Variants in RAB31 observed in about 807,000 individuals in gnomAD.
RAB31 encodes ras-related protein Rab-31.
In RAB31, 21 loss-of-function variants were observed where a neutral mutation model predicts 25.6. The ratio of observed to expected loss-of-function variants is 0.82; its 90% CI spans 0.58 to 1.18. The LOEUF (loss-of-function observed/expected upper bound fraction) is 1.18. Among genes scored for constraint, RAB31 ranks in the 50% most tolerant of loss-of-function variants. RAB31 has a pLI of 0.00. For missense variants in RAB31, 196 were observed against 250.1 expected, an observed-to-expected ratio of 0.78 and a Z score of 1.46; for synonymous variants, 87 against 84.0, an observed-to-expected ratio of 1.04 and a Z score of -0.20.
At chr18:9,712,863 A>G (rs2068024812) in intron 1 of RAB31, among the ~76,000 whole-genome samples, 1 of 152,240 alleles carries the variant, frequency 6.6e-6, no homozygotes, top group Non-Finnish European at 1.5e-5. Context: ...GTGATCAGTT[A>G]AAAGAGCCGA....
chr18:9,812,501 T>C (rs779095253), intron 3 of RAB31, among the ~76,000 whole-genome samples: 3 of 152,122 alleles, frequency 2.0e-5, no homozygotes, highest in Non-Finnish European at 4.4e-5. Context: ...ACAAATCTTT[T>C]TACAATTTAA....
intron 1 of RAB31, among the ~76,000 whole-genome samples, chr18:9,767,618 A>G (rs76373516): frequency 0.046 from 6,976 of 152,282 alleles, 182 homozygotes; most frequent in South Asian, 0.076. Context: ...GTTCAATAAG[A>G]TAATGTGTCT....
chr18:9,711,153 G>C (rs2068015041), intron 1 of RAB31, among the ~76,000 whole-genome samples: 1 of 151,462 alleles, frequency 6.6e-6, no homozygotes, highest in African/African-American at 2.4e-5. Context: ...CCATTTGACT[G>C]TCTTCGGTTT....
intron 1 of RAB31, among the ~76,000 whole-genome samples, chr18:9,772,059 C>T (rs2068348063): frequency 6.6e-6 from 1 of 152,220 alleles, no homozygotes; most frequent in African/African-American, 2.4e-5. Context: ...TGAGCATTGT[C>T]AAGTGACTTC....
chr18:9,763,599 A>ATT (rs1415949318), intron 1 of RAB31, among the ~76,000 whole-genome samples: 2 of 79,738 alleles, frequency 2.5e-5, no homozygotes, highest in Non-Finnish European at 5.5e-5. Context: ...AAAGAAAAAA[A>ATT]TTATATATAT....
chr18:9,768,178 T>C lies in RAB31; in HGVS notation c.40-7100T>C, dbSNP rs147618207. ...TGCAATAAACATACGTGTGCATGTG[T>C]CTTTATAGTAGAATGATTTATAATC... On this transcript the variant is annotated intron_variant, in intron 1 of 6. Transcript: ENST00000578921. 1.4e-3 allele frequency among the ~76,000 whole-genome samples: 217 copies of C among 152,342 alleles called. 2 individuals carry two copies. The highest frequency in any genetic ancestry group is 5.0e-3 in the African/African-American group (209 of 41,576).
chr18:9,801,181 C>G (rs935481380), intron 3 of RAB31, among the ~76,000 whole-genome samples: 1 of 152,098 alleles, frequency 6.6e-6, no homozygotes. Flanking sequence ...CTGGATAGAC[C>G]ACATTTTGTT....
intron 1 of RAB31, among the ~76,000 whole-genome samples, chr18:9,718,974 A>G (rs911626955): frequency 6.6e-6 from 1 of 151,990 alleles, no homozygotes. Context: ...GATGCATGCT[A>G]ATTACAATTT....
intron 1 of RAB31, among the ~76,000 whole-genome samples, chr18:9,741,337 A>G (rs1599019911): frequency 7.2e-6 from 1 of 139,536 alleles, no homozygotes; most frequent in East Asian, 2.1e-4. Flanking sequence ...AGATAACGCT[A>G]CTGCACTCCA....
rs145258127 is a variant in RAB31, at chr18:9,829,875, G to A, written c.380+14653G>A. On this transcript the variant is annotated intron_variant, in intron 5 of 6. Coordinates refer to ENST00000578921, the MANE Select transcript of RAB31 (RefSeq NM_006868.4). ...CTATTGGATTGTTTACCGTAATCTT[G>A]TTTATTTTTAGGATTTAAAAAAATA... 8.4e-3 allele frequency among the ~76,000 whole-genome samples: 1,269 copies of A among 151,770 alleles called. 23 individuals carry two copies. Among genetic ancestry groups the A allele is most frequent in the African/African-American group, 0.029 (1,198 of 41,386 alleles).
At chr18:9,711,785 C>T (rs905106618) in intron 1 of RAB31, among the ~76,000 whole-genome samples, 8 of 152,222 alleles carry the variant, frequency 5.3e-5, no homozygotes, top group African/African-American at 1.7e-4. Flanking sequence ...CACTTTCTGT[C>T]GGGTTTCCCT....
At chr18:9,753,583 A>G (rs1011351445) in intron 1 of RAB31, among the ~76,000 whole-genome samples, 1 of 152,174 alleles carries the variant, frequency 6.6e-6, no homozygotes, top group East Asian at 1.9e-4. Flanking sequence ...ATGGATGGAG[A>G]CAGATACCTT....
Position 9,708,505 on chromosome 18 carries a change from C to T in RAB31, c.39+61C>T, listed in dbSNP as rs2067997843. ...CCCGCGCTCTCGCGCCCCTTCGCTC[C>T]CCTATTCCCTGCGCGCTCAGTCCCC... is the stretch of plus-strand genomic sequence containing the variant. On this transcript the variant is annotated intron_variant, in intron 1 of 6. Transcript: ENST00000578921. The surrounding 1 kb of genome is among the most constrained non-coding windows in gnomAD (Gnocchi z 6.4). The T allele has an allele frequency of 2.1e-6, 3 of 1,427,742 alleles. No individual in the cohort carries two copies. The highest frequency in any genetic ancestry group is 1.5e-5 in the African/African-American group (1 of 67,228). 88.4% of individuals were successfully genotyped at this position (1,427,742 alleles called of 1,614,324 possible).
intron 2 of RAB31, among the ~76,000 whole-genome samples, chr18:9,780,156 A>AC (rs2068394611): frequency 1.3e-5 from 2 of 151,198 alleles, no homozygotes; most frequent in African/African-American, 2.4e-5. Context: ...AGCCAGGGCA[A>AC]CAGAGTGAAA....
rs1876301248 is a variant in RAB31 at position 9,794,018 on chromosome 18, G to A, written c.201+1783G>A. ...CAATCACAGCTCACCTCAGCCTCCC[G>A]AGTAGCAGGGACCACAGGTGCTCAC... On this transcript the variant is annotated intron_variant, in intron 3 of 6. Transcript: ENST00000578921. 2.6e-5 allele frequency among the ~76,000 whole-genome samples: 4 copies of A among 152,090 alleles called. No individual in the cohort carries two copies. The South Asian group carries it at 6.2e-4, about 24-fold the overall frequency.
At chr18:9,818,982 T>G (rs1336077821) in intron 5 of RAB31, among the ~76,000 whole-genome samples, 1 of 152,220 alleles carries the variant, frequency 6.6e-6, no homozygotes, top group Non-Finnish European at 1.5e-5. Context: ...TTGGATTGTC[T>G]TTTTATTATC....
chr18:9,763,789 A>G (rs1185021400), intron 1 of RAB31, among the ~76,000 whole-genome samples: 1 of 152,092 alleles, frequency 6.6e-6, no homozygotes, highest in African/African-American at 2.4e-5. Context: ...AGTAAATGTC[A>G]GCTTTTCTCA....
intron 1 of RAB31, among the ~76,000 whole-genome samples, chr18:9,718,534 C>T (rs1328757461): frequency 1.3e-5 from 2 of 152,232 alleles, no homozygotes; most frequent in Non-Finnish European, 2.9e-5. Context: ...GCTGGGATTA[C>T]AGGCATGAGC....
chr18:9,850,007 G>A (rs1201231270), intron 6 of RAB31, among the ~76,000 whole-genome samples: 4 of 152,200 alleles, frequency 2.6e-5, no homozygotes, highest in Non-Finnish European at 5.9e-5. Context: ...GTCTCCGCAT[G>A]TCTCAATCAG....
Sources: gnomAD v4.1 joint callset for allele counts (sites outside exome capture counted in the v4.1 genomes callset) on GRCh38, gnomAD v4.1.1 for gene constraint, Gnocchi (gnomAD v3.1) non-coding constraint, MANE v1.5 for transcripts, NCBI Gene and HGNC (gene_info 2026-07-23, HGNC 2026-07-21) for gene names.